TIE1: variants seen among roughly 807,000 people sequenced by gnomAD.
The protein encoded by TIE1 is tyrosine kinase with immunoglobulin like and EGF like domains 1, also known as tyrosine-protein kinase receptor Tie-1.
In TIE1, 89 loss-of-function variants were observed where a neutral mutation model predicts 130.5. The observed-to-expected ratio is 0.68, with a 90% CI of 0.57 to 0.81. The LOEUF (loss-of-function observed/expected upper bound fraction) is 0.81, where lower values mean the gene tolerates loss of function less well. Among genes scored for constraint, TIE1 ranks in the 40% least tolerant of loss-of-function variants. TIE1 has a pLI of 0.00. For synonymous variants in TIE1, 568 were observed against 629.4 expected, an observed-to-expected ratio of 0.90 and a Z score of 1.46; for missense variants, 1,392 against 1,559.8, an observed-to-expected ratio of 0.89 and a Z score of 1.81.
Position 43,319,534 on chromosome 1 carries a change from G to C in TIE1, c.3107+5G>C. The C allele has an allele frequency of 2.5e-6, 4 of 1,613,962 alleles. No individual in the cohort carries two copies. The highest frequency in any genetic ancestry group is 3.4e-6 in the Non-Finnish European group (4 of 1,179,902). On this transcript the variant is annotated splice_donor_5th_base_variant and intron_variant, in intron 19 of 22. Transcript: ENST00000372476. The surrounding 1 kb of genome is among the most constrained non-coding windows in gnomAD (Gnocchi z 4.7). ...CTATACCACCAAGAGTGATGTGTGA[G>C]TGTGAGATGAGAGGGCACAGGAGGG...
rs947028661 is a variant in TIE1 at position 43,322,153 on chromosome 1, C to A, written c.3345+438C>A. 1.3e-5 allele frequency among the ~76,000 whole-genome samples: 2 copies of A among 152,060 alleles called. No individual in the cohort carries two copies. Among genetic ancestry groups the A allele is most frequent in the Non-Finnish European group, 2.9e-5 (2 of 68,004 alleles). On this transcript the variant is annotated intron_variant, in intron 22 of 22. Coordinates refer to ENST00000372476, the MANE Select transcript of TIE1 (RefSeq NM_005424.5). This position sits in a 1 kb window ranked among gnomAD's most constrained non-coding sequence, Gnocchi z 4.0. ...GAATGGAATTAGTGGATAGATGATA[C>A]AATAATCATATGAACATGTAATTCA...
chr1:43,304,048 G>C (rs1402799474), intron 1 of TIE1, among the ~76,000 whole-genome samples: 1 of 151,822 alleles, frequency 6.6e-6, no homozygotes, highest in Non-Finnish European at 1.5e-5. Flanking sequence ...GCCTTGCCCT[G>C]GGGCTGCCCT....
chr1:43,319,772 A>G lies in TIE1; in HGVS notation c.3107+243A>G. 1 of 540,516 alleles carries G rather than the reference A, an allele frequency of 1.9e-6. No homozygotes were observed. Among genetic ancestry groups the G allele is most frequent in the Non-Finnish European group, 3.3e-6 (1 of 298,566 alleles). The allele number at this position is 540,516 out of a possible 1,614,324, so 33.5% of individuals were successfully genotyped here. On this transcript the variant is annotated intron_variant, in intron 19 of 22. Coordinates refer to ENST00000372476, the MANE Select transcript of TIE1 (RefSeq NM_005424.5). The surrounding 1 kb of genome is among the most constrained non-coding windows in gnomAD (Gnocchi z 4.7). ...GGTAGTTTCGGATTATGTTTGTGTA[A>G]GTGACGGGGGATGCCTTGGAGAGGT...
At position 43,317,512 on chromosome 1, in the gene TIE1, G is replaced by A. The variant is rs1027187882; in HGVS notation, c.2621-52G>A. 34 of 1,608,996 alleles carry A rather than the reference G, an allele frequency of 2.1e-5. No homozygotes were observed. In the South Asian group the frequency reaches 2.2e-4, roughly 10 times the overall value. ...CAGCAATTGACCCCAGCCCTTGCCAGCCCTTTCTCCAGAGTTATTTCTGGC... is the reference window on the plus strand; with the variant it reads ...CAGCAATTGACCCCAGCCCTTGCCAACCCTTTCTCCAGAGTTATTTCTGGC... On this transcript the variant is annotated intron_variant, in intron 15 of 22. Transcript: ENST00000372476. This position sits in a 1 kb window ranked among gnomAD's most constrained non-coding sequence, Gnocchi z 5.1.
In TIE1 at chr1:43,312,901, G is replaced by A. The variant is rs368934056; in HGVS notation, c.1928-234G>A. On this transcript the variant is annotated intron_variant, in intron 12 of 22. Coordinates refer to ENST00000372476, the MANE Select transcript of TIE1 (RefSeq NM_005424.5). This position sits in a 1 kb window ranked among gnomAD's most constrained non-coding sequence, Gnocchi z 5.6. ...GACTTGCGGAACACAGGGCATGGGC[G>A]GATGTGGAGAGGACTTGGGATACAA... Among the ~76,000 whole-genome samples, 23 of 152,172 alleles carry A rather than the reference G, an allele frequency of 1.5e-4. No homozygotes were observed. In the East Asian group the frequency reaches 2.1e-3, roughly 14 times the overall value.
intron 14 of TIE1, chr1:43,314,319 C>T: frequency 1.8e-6 from 2 of 1,113,506 alleles, no homozygotes; most frequent in Admixed American, 4.0e-5. Context: ...GTTATCTAGG[C>T]CTAGATAGCA....
At position 43,312,211 on chromosome 1, in the gene TIE1, C is replaced by A. The variant is rs1417989544; in HGVS notation, c.1630+80C>A. On this transcript the variant is annotated intron_variant, in intron 11 of 22. Coordinates refer to ENST00000372476, the MANE Select transcript of TIE1 (RefSeq NM_005424.5). This position sits in a 1 kb window ranked among gnomAD's most constrained non-coding sequence, Gnocchi z 5.6. ...ACCCCAGGGACCCCTGCCTTTCCCA[C>A]TGGAGGTTGTTCTTCCTTGTTCACT... 1.3e-5 allele frequency: 19 copies of A among 1,514,036 alleles called. No homozygotes were observed. The highest frequency in any genetic ancestry group is 8.9e-5 in the Admixed American group (4 of 44,800). 93.8% of individuals were successfully genotyped at this position (1,514,036 alleles called of 1,614,324 possible).
chr1:43,310,234 T>C (rs1253203713), intron 9 of TIE1, among the ~76,000 whole-genome samples: 1 of 152,104 alleles, frequency 6.6e-6, no homozygotes, highest in Non-Finnish European at 1.5e-5. Context: ...ATCCCGTGAC[T>C]ATGCATGACT....
intron 1 of TIE1, among the ~76,000 whole-genome samples, chr1:43,304,359 T>G (rs1394298232): frequency 2.0e-5 from 3 of 152,254 alleles, no homozygotes. Flanking sequence ...GGGACACTTC[T>G]GTTCTGGCTG....
intron 1 of TIE1, among the ~76,000 whole-genome samples, chr1:43,303,763 C>T (rs1437035574): frequency 6.6e-6 from 1 of 152,202 alleles, no homozygotes; most frequent in South Asian, 2.1e-4. Context: ...GCTGTTCCCT[C>T]TGTCTAGGAT....
In TIE1 at chr1:43,305,284, C is replaced by A; in HGVS notation, c.425C>A (p.Ala142Asp). The A allele has an allele frequency of 6.2e-7, 1 of 1,608,670 alleles. No homozygotes were observed. Residue 142 changes from alanine to aspartate, a missense_variant, in exon 3 of 23, where the codon GCT becomes GAT. By Grantham distance (126) the Ala-to-Asp change is moderately radical. Around this residue, in one of 6 missense-constraint regions of TIE1, gnomAD observed 415 missense variants for 424.8 expected, o/e 0.98. Coordinates refer to ENST00000372476, the MANE Select transcript of TIE1 (RefSeq NM_005424.5). ...CACACTGTGAACAAAGGTGACACCG[C>A]TGTACTTTCTGCACGTGTGCACAAG... ...VTHTVNKGDT[A>D]VLSARVHKEK...
rs1338488849 is a variant in TIE1, at chr1:43,305,185, G to A, written c.373+20G>A. On this transcript the variant is annotated intron_variant, in intron 2 of 22. Transcript: ENST00000372476. ...CTGGAGGTGAGTTAGGCAGGCGGGG[G>A]GATGGCGCGGGGAAAACCAGGCCGC... is the stretch of plus-strand genomic sequence containing the variant. 1 of 1,613,966 alleles carries A rather than the reference G, an allele frequency of 6.2e-7. No individual in the cohort carries two copies. The highest frequency in any genetic ancestry group is 8.5e-7 in the Non-Finnish European group (1 of 1,179,936).
At chr1:43,308,095 G>A (rs1013542050) in intron 7 of TIE1, among the ~76,000 whole-genome samples, 171 bp downstream of exon 7, 6 of 152,330 alleles carry the variant, frequency 3.9e-5, no homozygotes, top group African/African-American at 1.4e-4. Context: ...CAGTCTGGTA[G>A]GGAGTCAGTC....
In TIE1 at chr1:43,301,047, G is replaced by A; in HGVS notation, c.-25G>A. Reference sequence around the variant, plus strand: ...CTGACCCCAGGCCCAGCTCGTCCTGGCTGGCCTGGGTCGGCCTCTGGAGTA... The same window carrying A: ...CTGACCCCAGGCCCAGCTCGTCCTGACTGGCCTGGGTCGGCCTCTGGAGTA... On this transcript the variant is annotated 5_prime_UTR_variant, in exon 1 of 23. Transcript: ENST00000372476. 3 of 1,613,082 alleles carry A rather than the reference G, an allele frequency of 1.9e-6. No homozygotes were observed. The highest frequency in any genetic ancestry group is 2.5e-6 in the Non-Finnish European group (3 of 1,179,518).
chr1:43,317,561 C>T lies in TIE1; in HGVS notation c.2621-3C>T, dbSNP rs776773349. On this transcript the variant is annotated splice_region_variant and splice_polypyrimidine_tract_variant and intron_variant, in intron 15 of 22. Transcript: ENST00000372476. The surrounding 1 kb of genome is among the most constrained non-coding windows in gnomAD (Gnocchi z 5.1). ...GCAAAATAATATTGGATTCTTTACA[C>T]AGAGTATGCCTCTGAAAATGACCAT... is the stretch of plus-strand genomic sequence containing the variant. 6.2e-7 allele frequency: 1 copy of T among 1,607,332 alleles called. No individual in the cohort carries two copies. Among genetic ancestry groups the T allele is most frequent in the Non-Finnish European group, 8.5e-7 (1 of 1,175,608 alleles).
Position 43,317,865 on chromosome 1 carries a change from G to GTC in TIE1, c.2732-13_2732-12dup. ...GCCTGTGTCTAAATCACCACTGTCT[G>GTC]TCTCTTTGCCTCTCAGGTTACTTGT... On this transcript the variant is annotated splice_polypyrimidine_tract_variant and intron_variant, in intron 16 of 22. Coordinates refer to ENST00000372476, the MANE Select transcript of TIE1 (RefSeq NM_005424.5). This position sits in a 1 kb window ranked among gnomAD's most constrained non-coding sequence, Gnocchi z 5.1. The GTC allele has an allele frequency of 6.2e-7, 1 of 1,613,236 alleles. No homozygotes were observed. Among genetic ancestry groups the GTC allele is most frequent in the South Asian group, 1.1e-5 (1 of 90,956 alleles).
In TIE1 at chr1:43,321,479, T is replaced by C. The variant is rs1419934356; in HGVS notation, c.3232T>C (p.Cys1078Arg). ...QGYRMEQPRN[C>R]DDEVYELMRQ... ...CTACCGCATGGAGCAGCCTCGAAAC[T>C]GTGACGATGAAGTGTGAGTCACCCC... The change falls in exon 21 of 23, where the codon TGT becomes CGT. Residue 1078 changes from cysteine (C) to arginine (R), a missense_variant. Around this residue, in one of 6 missense-constraint regions of TIE1, gnomAD observed 104 missense variants for 129.3 expected, o/e 0.80. Coordinates refer to ENST00000372476, the MANE Select transcript of TIE1 (RefSeq NM_005424.5). The C allele has an allele frequency of 1.2e-6, 2 of 1,613,162 alleles. No individual in the cohort carries two copies. The highest frequency in any genetic ancestry group is 2.2e-5 in the South Asian group (2 of 90,948).
rs774829153 is a variant in TIE1 at position 43,307,108 on chromosome 1, G to A, written c.641-34G>A. On this transcript the variant is annotated intron_variant, in intron 4 of 22. Transcript: ENST00000372476. The surrounding 1 kb of genome is among the most constrained non-coding windows in gnomAD (Gnocchi z 5.4). ...TCTCCAGTCCTCAGTGGTCAGGTGGGTGAGGGTCAGCTGCTGAAGACACCT... is the reference window on the plus strand; with the variant it reads ...TCTCCAGTCCTCAGTGGTCAGGTGGATGAGGGTCAGCTGCTGAAGACACCT... 1.2e-6 allele frequency: 2 copies of A among 1,613,798 alleles called. No individual in the cohort carries two copies. Among genetic ancestry groups the A allele is most frequent in the South Asian group, 2.2e-5 (2 of 91,082 alleles).
chr1:43,312,325 T>C lies in TIE1; in HGVS notation c.1651T>C (p.Leu551=), dbSNP rs768904565. The change falls in exon 12 of 23, where the codon TTG becomes CTG. Residue 551 remains leucine (L), a synonymous_variant. Coordinates refer to ENST00000372476, the MANE Select transcript of TIE1 (RefSeq NM_005424.5). This position sits in a 1 kb window ranked among gnomAD's most constrained non-coding sequence, Gnocchi z 5.6. ...CCCAGAGCCTTTGTTGCAGCCGTGGTTGGAGGGCTGGCATGTGGAAGGCAC... is the reference window on the plus strand; with the variant it reads ...CCCAGAGCCTTTGTTGCAGCCGTGGCTGGAGGGCTGGCATGTGGAAGGCAC... The part of the protein sequence containing the change: ...DCPEPLLQPW[L]EGWHVEGTDR... 3.9e-6 allele frequency: 6 copies of C among 1,554,376 alleles called. No individual in the cohort carries two copies. The highest frequency in any genetic ancestry group is 1.8e-5 in the Admixed American group (1 of 55,172).
Sources: allele counts gnomAD v4.1 joint callset (sites outside exome capture counted in the v4.1 genomes callset), GRCh38; gene constraint gnomAD v4.1.1; regional missense constraint gnomAD v4.1.1; non-coding constraint Gnocchi (gnomAD v3.1); transcripts MANE v1.5; gene names NCBI Gene and HGNC (gene_info 2026-07-23, HGNC 2026-07-21).